The following SAMD5 variants were observed in gnomAD, a reference collection of about 807,000 sequenced individuals.
SAMD5 encodes the protein sterile alpha motif domain-containing protein 5.
Under a neutral mutation model 11.3 loss-of-function variants are expected in SAMD5, and 13 were observed. That is an observed-to-expected ratio of 1.15 (90% CI 0.75 to 1.83). The LOEUF (loss-of-function observed/expected upper bound fraction) is 1.83. Ranked by LOEUF, SAMD5 falls within the 40% of genes most tolerant of loss-of-function variation. The probability of loss-of-function intolerance (pLI) is 0.00; values close to 1 mark genes in which losing one functional copy is unlikely to be tolerated. For missense variants in SAMD5, 255 were observed against 239.1 expected (o/e 1.07, Z -0.44); for synonymous variants, 129 against 111.3 (o/e 1.16, Z -1.00).
intron 1 of SAMD5, among the ~76,000 whole-genome samples, chr6:147,530,395 G>A (rs573081990): frequency 2.0e-5 from 3 of 152,364 alleles, no homozygotes; most frequent in Non-Finnish European, 4.4e-5. Flanking sequence ...GCAGCACAAA[G>A]GCGGCAGGTG....
rs113911835 is a variant in SAMD5, at chr6:147,585,449, C to A, written c.162+76062C>A. 4.2e-3 allele frequency among the ~76,000 whole-genome samples: 642 copies of A among 152,168 alleles called. 5 individuals carry two copies. Among genetic ancestry groups the A allele is most frequent in the African/African-American group, 0.015 (607 of 41,528 alleles). The stretch of plus-strand genomic sequence containing the variant: ...AAGAGTTTGCTCTTAAGAGCTGTGA[C>A]GGGCTCAGTACTGACTCTTACGAAC... On this transcript the variant is annotated intron_variant, in intron 1 of 1. Coordinates refer to the SAMD5 transcript ENST00000566741.
the SAMD5 span, among the ~76,000 whole-genome samples, chr6:147,760,444 G>A: frequency 3.3e-5 from 5 of 152,176 alleles, no homozygotes; most frequent in South Asian, 1.0e-3. Flanking sequence ...ATAAAAGGAA[G>A]TAACAAATTC....
chr6:147,645,254 C>T (rs1790380795), intron 1 of SAMD5, among the ~76,000 whole-genome samples: 1 of 152,126 alleles, frequency 6.6e-6, no homozygotes, highest in Non-Finnish European at 1.5e-5. Context: ...GTCACTGGGC[C>T]TGACATATTT....
chr6:147,736,831 C>T (rs1233812349), intron 1 of SAMD5, among the ~76,000 whole-genome samples: 1 of 152,062 alleles, frequency 6.6e-6, no homozygotes, highest in African/African-American at 2.4e-5. Context: ...GCCATGATTT[C>T]CCTTGAAGAT....
chr6:147,879,068 C>A, the SAMD5 span, among the ~76,000 whole-genome samples: 1 of 152,156 alleles, frequency 6.6e-6, no homozygotes, highest in Admixed American at 6.5e-5. Flanking sequence ...CACTGCGATA[C>A]CTGATGAAAA....
At chr6:147,512,151 T>A (rs530806897) in intron 1 of SAMD5, among the ~76,000 whole-genome samples, 2 of 152,264 alleles carry the variant, frequency 1.3e-5, no homozygotes, top group South Asian at 4.1e-4. Context: ...AGAGACGGGG[T>A]TTCACCATGT....
At chr6:147,592,995 C>T (rs186182016) in intron 1 of SAMD5, among the ~76,000 whole-genome samples, 1 of 151,786 alleles carries the variant, frequency 6.6e-6, no homozygotes, top group African/African-American at 2.4e-5. Context: ...TTTTTAACAG[C>T]TATGTGGTAG....
At chr6:147,543,872 G>A (rs1027622949) in intron 1 of SAMD5, among the ~76,000 whole-genome samples, 1 of 152,148 alleles carries the variant, frequency 6.6e-6, no homozygotes, top group Non-Finnish European at 1.5e-5. Context: ...TCTCAGGAGA[G>A]TGTAAAAGAC....
chr6:147,786,237 A>T, the SAMD5 span, among the ~76,000 whole-genome samples: 1 of 152,228 alleles, frequency 6.6e-6, no homozygotes, highest in Non-Finnish European at 1.5e-5. Flanking sequence ...TATCAACTAA[A>T]ATGTGAAATA....
chr6:147,855,767 AG>A, the SAMD5 span, among the ~76,000 whole-genome samples: 3 of 152,210 alleles, frequency 2.0e-5, no homozygotes, highest in Non-Finnish European at 4.4e-5. Context: ...TGGAATAAAA[AG>A]CACAACCCAA....
chr6:147,633,693 CTT>C (rs201030758), intron 1 of SAMD5, among the ~76,000 whole-genome samples: 688 of 139,194 alleles, frequency 4.9e-3, no homozygotes, highest in African/African-American at 0.014. Flanking sequence ...TCAGATAATG[CTT>C]TTTTTTTTTT....
At chr6:147,757,587 G>C in the SAMD5 span, among the ~76,000 whole-genome samples, 1 of 152,140 alleles carries the variant, frequency 6.6e-6, no homozygotes, top group Non-Finnish European at 1.5e-5. Flanking sequence ...TCAGTTTTCT[G>C]CTAGTGTTTG....
chr6:147,706,954 C>A (rs563263623), intron 1 of SAMD5, among the ~76,000 whole-genome samples: 1 of 152,262 alleles, frequency 6.6e-6, no homozygotes, highest in Non-Finnish European at 1.5e-5. Flanking sequence ...GATATGTGAT[C>A]AATTAGCTTT....
intron 1 of SAMD5, among the ~76,000 whole-genome samples, chr6:147,583,251 C>T (rs577353819): frequency 2.6e-4 from 40 of 152,220 alleles, no homozygotes; most frequent in African/African-American, 9.2e-4. Context: ...AGCTAGATAT[C>T]GAAAGAAATG....
At chr6:147,604,332 G>A (rs1191476395) in intron 1 of SAMD5, among the ~76,000 whole-genome samples, 2 of 151,970 alleles carry the variant, frequency 1.3e-5, no homozygotes, top group African/African-American at 2.4e-5. Flanking sequence ...AGACCTGACA[G>A]TTTTTGACAA....
rs530010077 is a variant in SAMD5 at position 147,568,818 on chromosome 6, A to G, written c.*4362A>G. The G allele has an allele frequency of 3.0e-5, 28 of 948,970 alleles. No homozygotes were observed. In the South Asian group the frequency reaches 1.4e-3, roughly 46 times the overall value. The allele number at this position is 948,970 out of a possible 1,614,324, so 58.8% of individuals were successfully genotyped here. ...ATTAAAAAATCATCTTCAGCTTTAC[A>G]TTATTAATCTCTGAGGACATAAAAT... On this transcript the variant is annotated 3_prime_UTR_variant, in exon 2 of 2. Coordinates refer to ENST00000367474, the MANE Select transcript of SAMD5 (RefSeq NM_001030060.3).
the SAMD5 span, among the ~76,000 whole-genome samples, chr6:147,876,587 G>C: frequency 1.3e-5 from 2 of 152,122 alleles, no homozygotes; most frequent in African/African-American, 4.8e-5. Context: ...AACTAAAGGA[G>C]AGGAAACAAA....
chr6:147,739,731 G>T (rs1791852163), downstream of SAMD5, among the ~76,000 whole-genome samples: 1 of 151,936 alleles, frequency 6.6e-6, no homozygotes, highest in Non-Finnish European at 1.5e-5. Flanking sequence ...TTTTGAATAG[G>T]CAGTTATTTA....
chr6:147,590,542 A>G (rs1789437856), intron 1 of SAMD5, among the ~76,000 whole-genome samples: 1 of 152,108 alleles, frequency 6.6e-6, no homozygotes. Flanking sequence ...CCTCCTGAGT[A>G]GCTGGGATTA....
Sources: gnomAD v4.1 joint callset for allele counts (sites outside exome capture counted in the v4.1 genomes callset) on GRCh38, gnomAD v4.1.1 for gene constraint, MANE v1.5 for transcripts, NCBI Gene and HGNC (gene_info 2026-07-23, HGNC 2026-07-21) for gene names.